PIAS2: variants seen among roughly 807,000 people sequenced by gnomAD.
PIAS2 encodes E3 SUMO-protein ligase PIAS2.
In PIAS2, 19 loss-of-function variants were observed where a neutral mutation model predicts 69.7. That is an observed-to-expected ratio of 0.27 (90% CI 0.19 to 0.40). PIAS2 has a LOEUF of 0.40. PIAS2 is among the 10% of genes least tolerant of loss of function. The pLI is 1.00. For synonymous variants in PIAS2, 261 were observed against 263.2 expected, an observed-to-expected ratio of 0.99 and a Z score of 0.08; for missense variants, 624 against 757.0, an observed-to-expected ratio of 0.82 and a Z score of 2.06.
chr18:46,817,925 G>A (rs965937908), intron 12 of PIAS2: 38 of 982,938 alleles, frequency 3.9e-5, no homozygotes, highest in South Asian at 1.9e-4. Context: ...GCCTTGTTTC[G>A]TAAGTTTAGC....
chr18:46,841,955 G>A (rs571099487), intron 8 of PIAS2, among the ~76,000 whole-genome samples: 1 of 152,182 alleles, frequency 6.6e-6, no homozygotes, highest in Non-Finnish European at 1.5e-5. Context: ...TTGGCTAGGT[G>A]AGATGGCTCA....
chr18:46,840,713 T>C (rs189703628), intron 8 of PIAS2, among the ~76,000 whole-genome samples: 1 of 152,346 alleles, frequency 6.6e-6, no homozygotes, highest in Admixed American at 6.5e-5. Context: ...CTAGTGACTA[T>C]GGCATGTTAT....
intron 9 of PIAS2, among the ~76,000 whole-genome samples, chr18:46,834,394 T>A (rs969114442): frequency 3.3e-5 from 5 of 152,268 alleles, no homozygotes; most frequent in African/African-American, 1.2e-4. Flanking sequence ...ATCCTCAATC[T>A]ATAATGACTA....
intron 13 of PIAS2, among the ~76,000 whole-genome samples, chr18:46,814,601 C>T (rs1001202807): frequency 1.3e-5 from 2 of 152,160 alleles, no homozygotes; most frequent in African/African-American, 4.8e-5. Flanking sequence ...GCTTAGCTGA[C>T]TGAGCAGCCC....
chr18:46,847,541 G>A (rs1261024735), intron 5 of PIAS2, among the ~76,000 whole-genome samples: 1 of 151,104 alleles, frequency 6.6e-6, no homozygotes, highest in African/African-American at 2.4e-5. Context: ...GAGTACAGTG[G>A]CGCGAACTTG....
In PIAS2 at chr18:46,901,483, T is replaced by C. The variant is rs576792477; in HGVS notation, c.25-10429A>G. Among the ~76,000 whole-genome samples, 18 of 152,282 alleles carry C rather than the reference T, an allele frequency of 1.2e-4. 3 individuals carry two copies. The South Asian group carries it at 3.5e-3, about 30-fold the overall frequency. ...AAACCCTTAACAAAATATTAGTCAATAAAATTCAGCAATATATAAAAAGAA... is the reference window on the plus strand; with the variant it reads ...AAACCCTTAACAAAATATTAGTCAACAAAATTCAGCAATATATAAAAAGAA... On this transcript the variant is annotated intron_variant, in intron 1 of 13. Transcript: ENST00000585916.
intron 1 of PIAS2, among the ~76,000 whole-genome samples, chr18:46,908,752 T>C (rs1165897717): frequency 6.6e-6 from 1 of 152,218 alleles, no homozygotes; most frequent in African/African-American, 2.4e-5. Flanking sequence ...CTCATGCCTA[T>C]AATCCCAGCA....
At chr18:46,896,324 A>T (rs1225839968) in intron 1 of PIAS2, among the ~76,000 whole-genome samples, 2 of 151,984 alleles carry the variant, frequency 1.3e-5, no homozygotes, top group Non-Finnish European at 2.9e-5. Flanking sequence ...ATATATTCTA[A>T]TAACTTAAAT....
intron 3 of PIAS2, among the ~76,000 whole-genome samples, chr18:46,856,203 G>A (rs866138285): frequency 8.6e-5 from 13 of 151,742 alleles, no homozygotes; most frequent in East Asian, 1.9e-4. Context: ...GGGTTTCACC[G>A]TGTTAGCCAG....
chr18:46,855,291 G>C lies in PIAS2; in HGVS notation c.726+54C>G, dbSNP rs1287038435. 12 of 1,102,544 alleles carry C rather than the reference G, an allele frequency of 1.1e-5. No homozygotes were observed. In the East Asian group the frequency reaches 2.1e-4, roughly 19 times the overall value. 68.3% of individuals were successfully genotyped at this position (1,102,544 alleles called of 1,614,324 possible). ...CACTGTTGCACTGTTTCTAGGCCTT[G>C]TCAGTGTTTATATTAAACTTATATG... On this transcript the variant is annotated intron_variant, in intron 5 of 13. Coordinates refer to ENST00000585916, the MANE Select transcript of PIAS2 (RefSeq NM_004671.5).
At chr18:46,819,042 GAAA>G (rs2041882890) in intron 12 of PIAS2, among the ~76,000 whole-genome samples, 2 of 152,100 alleles carry the variant, frequency 1.3e-5, no homozygotes, top group Admixed American at 6.6e-5. Context: ...TCAGAGAACT[GAAA>G]AACTAACAGG....
At chr18:46,899,281 C>A (rs2146125902) in intron 1 of PIAS2, among the ~76,000 whole-genome samples, 1 of 152,104 alleles carries the variant, frequency 6.6e-6, no homozygotes, top group South Asian at 2.1e-4. Flanking sequence ...GGGGAAAGGC[C>A]TCACTGAAAT....
chr18:46,827,844 C>G (rs2043035483), intron 11 of PIAS2, 115 bp downstream of exon 11: 3 of 895,876 alleles, frequency 3.3e-6, no homozygotes, highest in Non-Finnish European at 5.0e-6. Context: ...TCAACAAAGG[C>G]AAATTAAAAT....
intron 3 of PIAS2, among the ~76,000 whole-genome samples, chr18:46,859,051 C>T (rs1253991429): frequency 6.6e-6 from 1 of 152,094 alleles, no homozygotes; most frequent in African/African-American, 2.4e-5. Context: ...TCACTTTATA[C>T]TTAGTATTAC....
At chr18:46,889,107 G>A (rs182075843) in intron 2 of PIAS2, among the ~76,000 whole-genome samples, 5 of 152,232 alleles carry the variant, frequency 3.3e-5, no homozygotes, top group African/African-American at 9.6e-5. Flanking sequence ...AGGCTTAAAT[G>A]TAAGACCTAA....
intron 1 of PIAS2, among the ~76,000 whole-genome samples, chr18:46,894,957 C>T (rs2054611179): frequency 6.6e-6 from 1 of 151,828 alleles, no homozygotes; most frequent in Non-Finnish European, 1.5e-5. Context: ...CCTGTAATCC[C>T]AGCTACTCAG....
rs760985298 is a variant in PIAS2 at position 46,890,694 on chromosome 18, T to G, written c.385A>C (p.Thr129Pro). The G allele has an allele frequency of 2.5e-6, 4 of 1,613,972 alleles. No individual in the cohort carries two copies. The highest frequency in any genetic ancestry group is 3.4e-6 in the Non-Finnish European group (4 of 1,179,990). The change falls in exon 2 of 14, where the codon ACA becomes CCA. Residue 129 changes from threonine to proline, a missense_variant. Around this residue, in one of 3 missense-constraint regions of PIAS2, gnomAD observed 339 missense variants for 408.8 expected, o/e 0.83. Transcript: ENST00000585916. ...GSVLLQDTKPTFEMQQPSPPI... is the reference protein window; with the variant it reads ...GSVLLQDTKPPFEMQQPSPPI... Reference sequence around the variant, plus strand: ...GGAGATGGCTGCTGCATCTCAAATGTGGGCTTAGTATCTTGAAGCAGCACA... The same window carrying G: ...GGAGATGGCTGCTGCATCTCAAATGGGGGCTTAGTATCTTGAAGCAGCACA...
chr18:46,844,090 A>G lies in PIAS2; in HGVS notation c.1005T>C (p.Ile335=), dbSNP rs370897595. 1 of 1,542,928 alleles carries G rather than the reference A, an allele frequency of 6.5e-7. No homozygotes were observed. The highest frequency in any genetic ancestry group is 1.3e-5 in the South Asian group (1 of 75,032). The part of the protein sequence containing the change: ...EKLTADPDSE[I]ATTSLRVSLM... ...AGGATACCCGAAGGCTAGTTGTAGC[A>G]ATTTCACTATCAGGATCTGCAGTAA... The change falls in exon 8 of 14, where the codon ATT becomes ATC. Residue 335 remains isoleucine, a synonymous_variant. Transcript: ENST00000585916.
chr18:46,897,339 C>T lies in PIAS2; in HGVS notation c.25-6285G>A, dbSNP rs146373928. On this transcript the variant is annotated intron_variant, in intron 1 of 13. Coordinates refer to ENST00000585916, the MANE Select transcript of PIAS2 (RefSeq NM_004671.5). ...AAGATAAGCCTATAACATTTTATCG[C>T]ACCAGAAAACAGAGAAGCTATCAAA... Among the ~76,000 whole-genome samples the T allele has an allele frequency of 1.1e-3, 164 of 152,202 alleles. 1 individual carries two copies. The highest frequency in any genetic ancestry group is 3.9e-3 in the African/African-American group (160 of 41,516).
Sources: allele counts gnomAD v4.1 joint callset (sites outside exome capture counted in the v4.1 genomes callset), GRCh38; gene constraint gnomAD v4.1.1; regional missense constraint gnomAD v4.1.1; transcripts MANE v1.5; gene names NCBI Gene and HGNC (gene_info 2026-07-23, HGNC 2026-07-21).